Variants in PCDHGA6 observed in about 807,000 individuals in gnomAD.
PCDHGA6 encodes the protein protocadherin gamma-A6.
Under a neutral mutation model 60.6 loss-of-function variants are expected in PCDHGA6, and 41 were observed. That is an observed-to-expected ratio of 0.68 (90% confidence interval 0.53 to 0.88). The LOEUF is 0.88. PCDHGA6 is among the 40% of genes least tolerant of loss of function. PCDHGA6 has a pLI of 0.00. For missense variants in PCDHGA6, 1,312 were observed against 1,203.0 expected, an observed-to-expected ratio of 1.09 and a Z score of -1.34; for synonymous variants, 594 against 524.4, an observed-to-expected ratio of 1.13 and a Z score of -1.81.
chr5:141,475,929 C>A, intron 1 of PCDHGA6: 1 of 634,624 alleles, frequency 1.6e-6, no homozygotes, highest in Non-Finnish European at 2.7e-6. Context: ...GGAGATCGGG[C>A]CCCTGCCCGT....
intron 3 of PCDHGA6, among the ~76,000 whole-genome samples, chr5:141,509,620 C>G (rs1321910971): frequency 6.6e-6 from 1 of 152,188 alleles, no homozygotes; most frequent in African/African-American, 2.4e-5. Context: ...TAAACAAGTT[C>G]CTGGGTGATG....
chr5:141,475,852 G>A, intron 1 of PCDHGA6: 1 of 467,402 alleles, frequency 2.1e-6, no homozygotes, highest in East Asian at 3.7e-5. Context: ...AGAGCCCGGC[G>A]CTAGCTCATT....
At chr5:141,440,155 A>C (rs1250255277) in intron 1 of PCDHGA6, 1 of 152,238 alleles carries the variant, frequency 6.6e-6, no homozygotes, top group Non-Finnish European at 1.5e-5. Flanking sequence ...CCCCAATTAT[A>C]GCTTGGGCCA....
In PCDHGA6 at chr5:141,432,476, A is replaced by C; in HGVS notation, c.2424+55969A>C. 6.2e-7 allele frequency: 1 copy of C among 1,614,080 alleles called. No homozygotes were observed. The highest frequency in any genetic ancestry group is 8.5e-7 in the Non-Finnish European group (1 of 1,180,012). Reference sequence around the variant, plus strand: ...CCCCGCCCTCCCCACGGACGGTTCCACTGGCGTGGAGCTGGCTCCCCGCTC... The same window carrying C: ...CCCCGCCCTCCCCACGGACGGTTCCCCTGGCGTGGAGCTGGCTCCCCGCTC... On this transcript the variant is annotated intron_variant, in intron 1 of 3. Transcript: ENST00000517434. The surrounding 1 kb of genome is among the most constrained non-coding windows in gnomAD (Gnocchi z 6.0).
At chr5:141,415,002 C>T in intron 1 of PCDHGA6, 2 of 1,613,668 alleles carry the variant, frequency 1.2e-6, no homozygotes, top group East Asian at 2.2e-5. Flanking sequence ...CCTGGCTGTC[C>T]TACCGTCTGC....
chr5:141,440,918 A>C (rs2154559108), intron 1 of PCDHGA6: 1 of 152,384 alleles, frequency 6.6e-6, no homozygotes, highest in Admixed American at 6.5e-5. Context: ...TCCTGTGCTG[A>C]GAGTGAGGGC....
chr5:141,418,505 G>A, intron 1 of PCDHGA6: 1 of 1,614,006 alleles, frequency 6.2e-7, no homozygotes, highest in Non-Finnish European at 8.5e-7. Flanking sequence ...GACCGCCTTA[G>A]ATGGTGGGGA....
At chr5:141,457,475 G>T (rs1203288452) in intron 1 of PCDHGA6, among the ~76,000 whole-genome samples, 1 of 152,142 alleles carries the variant, frequency 6.6e-6, no homozygotes, top group East Asian at 1.9e-4. Flanking sequence ...AATAAGCAGG[G>T]CCAGGGTTAG....
At position 141,489,385 on chromosome 5, in the gene PCDHGA6, G is replaced by C. The variant is rs893348832; in HGVS notation, c.2425-5422G>C. The stretch of plus-strand genomic sequence containing the variant: ...GCCGGGGACGCTGGTGGGGAATGTT[G>C]CTCAGGATCTGGGCTTAAAGATGAC... On this transcript the variant is annotated intron_variant, in intron 1 of 3. Transcript: ENST00000517434. This position sits in a 1 kb window ranked among gnomAD's most constrained non-coding sequence, Gnocchi z 4.5. The C allele has an allele frequency of 6.2e-7, 1 of 1,613,924 alleles. No individual in the cohort carries two copies. Among genetic ancestry groups the C allele is most frequent in the Non-Finnish European group, 8.5e-7 (1 of 1,179,896 alleles).
intron 1 of PCDHGA6, chr5:141,409,921 G>C (rs767370997): frequency 2.7e-5 from 44 of 1,613,404 alleles, no homozygotes; most frequent in Non-Finnish European, 3.7e-5. Context: ...ACGGCTCCGC[G>C]TTCTTCGATA....
chr5:141,433,174 G>A (rs1298757358), intron 1 of PCDHGA6: 1 of 1,610,308 alleles, frequency 6.2e-7, no homozygotes, highest in Non-Finnish European at 8.5e-7. Context: ...ACAGTCATGG[G>A]TTAATTGAGG....
intron 1 of PCDHGA6, chr5:141,405,392 TTC>T (rs1477182661): frequency 6.3e-7 from 1 of 1,595,986 alleles, no homozygotes; most frequent in Non-Finnish European, 8.5e-7. Flanking sequence ...TTCATTTTTT[TTC>T]TTTCTTTCTT....
intron 1 of PCDHGA6, chr5:141,421,627 T>C: frequency 6.2e-7 from 1 of 1,613,846 alleles, no homozygotes; most frequent in Non-Finnish European, 8.5e-7. Context: ...CGCCCCCAGC[T>C]TCCAGGAGGA....
intron 1 of PCDHGA6, chr5:141,409,940 C>G: frequency 6.2e-7 from 1 of 1,613,236 alleles, no homozygotes. Flanking sequence ...TATGGTACCT[C>G]GCTCTGCAGA....
chr5:141,465,950 A>G (rs570810183), intron 1 of PCDHGA6, among the ~76,000 whole-genome samples: 2 of 152,102 alleles, frequency 1.3e-5, no homozygotes, highest in African/African-American at 4.8e-5. Flanking sequence ...GTGAAACCCC[A>G]TCTCTACTAA....
chr5:141,386,595 A>ATT lies in PCDHGA6; in HGVS notation c.2424+10099_2424+10100dup, dbSNP rs373179212. On this transcript the variant is annotated intron_variant, in intron 1 of 3. Transcript: ENST00000517434. Reference sequence around the variant, plus strand: ...CTCTGTACAATAGTGTGGGGGATACATTTTTTTTTTTTGACATGGAGTCTC... The same window carrying ATT: ...CTCTGTACAATAGTGTGGGGGATACATTTTTTTTTTTTTTGACATGGAGTCTC... 4.8e-5 allele frequency among the ~76,000 whole-genome samples: 7 copies of ATT among 146,172 alleles called. No individual in the cohort carries two copies. The East Asian group carries it at 9.9e-4, about 21-fold the overall frequency.
At chr5:141,504,113 C>A (rs568207803) in intron 2 of PCDHGA6, among the ~76,000 whole-genome samples, 1 of 152,220 alleles carries the variant, frequency 6.6e-6, no homozygotes, top group Non-Finnish European at 1.5e-5. Flanking sequence ...TGTGTGTGTG[C>A]CAGGGCTGTT....
In PCDHGA6 at chr5:141,485,849, G is replaced by A. The variant is rs777288674; in HGVS notation, c.2425-8958G>A. ...AGGGAACCCGCCGAGATCTGGCACC[G>A]CAGAGCTCCGGGTATCCGTGCTGGA... On this transcript the variant is annotated intron_variant, in intron 1 of 3. Transcript: ENST00000517434. The surrounding 1 kb of genome is among the most constrained non-coding windows in gnomAD (Gnocchi z 5.7). 3 of 1,614,130 alleles carry A rather than the reference G, an allele frequency of 1.9e-6. No individual in the cohort carries two copies. In the South Asian group the frequency reaches 3.3e-5, roughly 18 times the overall value.
intron 1 of PCDHGA6, among the ~76,000 whole-genome samples, chr5:141,405,806 C>T (rs2094720612): frequency 6.8e-6 from 1 of 146,048 alleles, no homozygotes. Context: ...TTAGCTTTCT[C>T]TTTAACTGTC....
Sources: allele counts gnomAD v4.1 joint callset (sites outside exome capture counted in the v4.1 genomes callset), GRCh38; gene constraint gnomAD v4.1.1; non-coding constraint Gnocchi (gnomAD v3.1); transcripts MANE v1.5; gene names NCBI Gene and HGNC (gene_info 2026-07-23, HGNC 2026-07-21).